Variants in RAB11FIP3 observed in about 807,000 individuals in gnomAD.
RAB11FIP3 encodes the protein RAB11 family interacting protein 3, also known as rab11 family-interacting protein 3.
Under a neutral mutation model 77.8 loss-of-function variants are expected in RAB11FIP3, and 17 were observed. The ratio of observed to expected loss-of-function variants is 0.22; its 90% CI spans 0.15 to 0.33. The LOEUF is 0.33. Among genes scored for constraint, RAB11FIP3 ranks in the 10% least tolerant of loss-of-function variants. The probability of loss-of-function intolerance (pLI) is 1.00; values close to 1 mark genes in which losing one functional copy is unlikely to be tolerated. For synonymous variants in RAB11FIP3, 437 were observed against 448.2 expected (o/e 0.98, Z 0.31); for missense variants, 1,005 against 1,011.2 (o/e 0.99, Z 0.08).
chr16:493,334 C>T (rs1317284267), intron 5 of RAB11FIP3, among the ~76,000 whole-genome samples: 1 of 151,740 alleles, frequency 6.6e-6, no homozygotes, highest in Non-Finnish European at 1.5e-5. Context: ...AACTGCCAGT[C>T]AGAACATCCT....
rs914971755 is a variant in RAB11FIP3, at chr16:471,196, C to T, written c.809-99C>T. 16 of 973,194 alleles carry T rather than the reference C, an allele frequency of 1.6e-5. No individual in the cohort carries two copies. Among genetic ancestry groups the T allele is most frequent in the Non-Finnish European group, 2.6e-5 (16 of 623,316 alleles). The allele number at this position is 973,194 out of a possible 1,614,324, so 60.3% of individuals were successfully genotyped here. On this transcript the variant is annotated intron_variant, in intron 2 of 13. Coordinates refer to ENST00000262305, the MANE Select transcript of RAB11FIP3 (RefSeq NM_014700.4). This position sits in a 1 kb window ranked among gnomAD's most constrained non-coding sequence, Gnocchi z 4.4. ...GGGCCCCCAACTCCCACACATCTGT[C>T]CCTGGGGGCCTCCTTCCCAGGGAGT...
In RAB11FIP3 at chr16:514,141, G is replaced by A. The variant is rs536819905; in HGVS notation, c.1640+3341G>A. On this transcript the variant is annotated intron_variant, in intron 9 of 13. Transcript: ENST00000262305. The surrounding 1 kb of genome is among the most constrained non-coding windows in gnomAD (Gnocchi z 4.6). The stretch of plus-strand genomic sequence containing the variant: ...CCGCCTGCCCACCCTAAGCGCTTGG[G>A]GTCAGTGCCACCGTGTTCTGGGCCT... 2.5e-4 allele frequency among the ~76,000 whole-genome samples: 38 copies of A among 152,256 alleles called. No individual in the cohort carries two copies. The East Asian group carries it at 6.7e-3, about 27-fold the overall frequency.
chr16:516,436 G>A (rs1196133075), intron 9 of RAB11FIP3, among the ~76,000 whole-genome samples: 1 of 152,210 alleles, frequency 6.6e-6, no homozygotes, highest in African/African-American at 2.4e-5. Context: ...AGACACTGAG[G>A]TTATCTCAGA....
At chr16:492,369 G>GAGACCCGAGGCCGCCCAGAGCCCTCCCC (rs2030411233) in intron 5 of RAB11FIP3, among the ~76,000 whole-genome samples, 1 of 145,024 alleles carries the variant, frequency 6.9e-6, no homozygotes, top group South Asian at 2.2e-4. Flanking sequence ...GTCTTCCCGG[G>GAGACCCGAGGCCGCCCAGAGCCCTCCCC]AGACCCGAGG....
intron 3 of RAB11FIP3, among the ~76,000 whole-genome samples, chr16:477,303 ATGT>A (rs930111832): frequency 7.9e-5 from 12 of 152,256 alleles, no homozygotes; most frequent in Admixed American, 5.9e-4. Context: ...ACTGAACCTG[ATGT>A]TGTAATAACC....
intron 1 of RAB11FIP3, among the ~76,000 whole-genome samples, chr16:458,982 C>T (rs1242499799): frequency 6.6e-6 from 1 of 152,182 alleles, no homozygotes; most frequent in African/African-American, 2.4e-5. Flanking sequence ...ATCTGTGCCT[C>T]ACCCCAGATT....
At chr16:500,775 G>C (rs544675061) in intron 6 of RAB11FIP3, among the ~76,000 whole-genome samples, 2 of 150,230 alleles carry the variant, frequency 1.3e-5, no homozygotes, top group Non-Finnish European at 2.9e-5. Context: ...TCTGCCTCAC[G>C]TTGGTGGCCA....
Position 505,218 on chromosome 16 carries a change from T to C in RAB11FIP3, c.1396-306T>C, listed in dbSNP as rs917913843. Among the ~76,000 whole-genome samples, 2 of 151,960 alleles carry C rather than the reference T, an allele frequency of 1.3e-5. No homozygotes were observed. The highest frequency in any genetic ancestry group is 4.8e-5 in the African/African-American group (2 of 41,388). ...GGCTGAGCAGAGACCCAACTGTGTG[T>C]TGGGGGGCTGAGTCTTGCTGCCCAC... On this transcript the variant is annotated intron_variant, in intron 7 of 13. Transcript: ENST00000262305. The surrounding 1 kb of genome is among the most constrained non-coding windows in gnomAD (Gnocchi z 4.0).
rs1382049368 is a variant in RAB11FIP3 at position 426,744 on chromosome 16, C to T, written c.714+24C>T. On this transcript the variant is annotated intron_variant, in intron 1 of 13. Transcript: ENST00000262305. The surrounding 1 kb of genome is among the most constrained non-coding windows in gnomAD (Gnocchi z 5.0). Reference sequence around the variant, plus strand: ...AGGTACGGAGCGGCCCGGGCCGGGGCGTGGGAACTGGGCAGGTGCGCGCTG... The same window carrying T: ...AGGTACGGAGCGGCCCGGGCCGGGGTGTGGGAACTGGGCAGGTGCGCGCTG... 6.8e-7 allele frequency: 1 copy of T among 1,460,352 alleles called. No homozygotes were observed. Among genetic ancestry groups the T allele is most frequent in the East Asian group, 2.6e-5 (1 of 38,516 alleles). The allele number at this position is 1,460,352 out of a possible 1,614,324, so 90.5% of individuals were successfully genotyped here. A position where few individuals can be genotyped will look rare whatever the true frequency, so the allele number is the denominator to read the frequency against.
At chr16:463,379 A>T (rs1274781649) in intron 2 of RAB11FIP3, among the ~76,000 whole-genome samples, 3 of 148,930 alleles carry the variant, frequency 2.0e-5, no homozygotes, top group Non-Finnish European at 4.4e-5. Flanking sequence ...GTTTTCTCAG[A>T]TGCCAAGTCT....
At chr16:456,410 A>G (rs906643108) in intron 1 of RAB11FIP3, among the ~76,000 whole-genome samples, 15 of 151,174 alleles carry the variant, frequency 9.9e-5, no homozygotes, top group African/African-American at 3.7e-4. Flanking sequence ...ACTGCACCCT[A>G]GCCTGAGTGA....
At chr16:491,045 T>C in intron 5 of RAB11FIP3, 5 of 1,155,518 alleles carry the variant, frequency 4.3e-6, no homozygotes, top group Non-Finnish European at 5.7e-6. Flanking sequence ...CACCATGTCC[T>C]GTCCTGTTCC....
At chr16:439,850 CT>C (rs879539160) in intron 1 of RAB11FIP3, among the ~76,000 whole-genome samples, 169 of 145,828 alleles carry the variant, frequency 1.2e-3, no homozygotes, top group Admixed American at 9.6e-4. Flanking sequence ...CAGTTGCATT[CT>C]TTTTTTTTTT....
intron 1 of RAB11FIP3, among the ~76,000 whole-genome samples, chr16:451,832 C>G (rs573474131): frequency 6.7e-6 from 1 of 150,340 alleles, no homozygotes; most frequent in Non-Finnish European, 1.5e-5. Context: ...AAGACTCTCT[C>G]TCAAAAACAA....
chr16:488,602 C>T (rs1336702389), intron 4 of RAB11FIP3, among the ~76,000 whole-genome samples: 4 of 151,964 alleles, frequency 2.6e-5, no homozygotes, highest in Admixed American at 6.6e-5. Flanking sequence ...GCAGTTGAGG[C>T]CTCCCCCTGT....
chr16:426,352 C>T lies in RAB11FIP3; in HGVS notation c.346C>T (p.Leu116Phe). The T allele has an allele frequency of 2.0e-6, 3 of 1,521,910 alleles. No individual in the cohort carries two copies. The highest frequency in any genetic ancestry group is 2.6e-6 in the Non-Finnish European group (3 of 1,136,084). 94.3% of individuals were successfully genotyped at this position (1,521,910 alleles called of 1,614,324 possible). A position where few individuals can be genotyped will look rare whatever the true frequency, so the allele number is the denominator to read the frequency against. ...CCCAGGGCCGCGCTCCGAAGCGCCGCTTCCAGAACTCGACCCGTTGTTCTC... is the reference window on the plus strand; with the variant it reads ...CCCAGGGCCGCGCTCCGAAGCGCCGTTTCCAGAACTCGACCCGTTGTTCTC... ...PGPGPRSEAPLPELDPLFSWT... is the reference protein window; with the variant it reads ...PGPGPRSEAPFPELDPLFSWT... Residue 116 changes from leucine (L) to phenylalanine (F), a missense_variant, in exon 1 of 14, where the codon CTT becomes TTT. Coordinates refer to ENST00000262305, the MANE Select transcript of RAB11FIP3 (RefSeq NM_014700.4). This position sits in a 1 kb window ranked among gnomAD's most constrained non-coding sequence, Gnocchi z 5.0.
chr16:493,356 T>A (rs2030773746), intron 5 of RAB11FIP3, among the ~76,000 whole-genome samples: 1 of 151,612 alleles, frequency 6.6e-6, no homozygotes, highest in South Asian at 2.1e-4. Flanking sequence ...CCCATAACCC[T>A]TAGTGGAGGA....
At chr16:449,712 G>A (rs2055376373) in intron 1 of RAB11FIP3, among the ~76,000 whole-genome samples, 1 of 151,814 alleles carries the variant, frequency 6.6e-6, no homozygotes, top group South Asian at 2.1e-4. Context: ...AGCACTTTGG[G>A]AGGCTGAGTT....
Position 471,603 on chromosome 16 carries a change from C to T in RAB11FIP3, c.903+214C>T, listed in dbSNP as rs2055810137. ...CGCCCTGTCAGCCTGGGCAGGAATC[C>T]TCCCCCAGGGCCTGTCGCCAGCAGA... On this transcript the variant is annotated intron_variant, in intron 3 of 13. Coordinates refer to ENST00000262305, the MANE Select transcript of RAB11FIP3 (RefSeq NM_014700.4). The surrounding 1 kb of genome is among the most constrained non-coding windows in gnomAD (Gnocchi z 4.4). Among the ~76,000 whole-genome samples, 1 of 152,218 alleles carries T rather than the reference C, an allele frequency of 6.6e-6. No homozygotes were observed. The highest frequency in any genetic ancestry group is 2.4e-5 in the African/African-American group (1 of 41,466).
Sources: allele counts gnomAD v4.1 joint callset (sites outside exome capture counted in the v4.1 genomes callset), GRCh38; gene constraint gnomAD v4.1.1; non-coding constraint Gnocchi (gnomAD v3.1); transcripts MANE v1.5; gene names NCBI Gene and HGNC (gene_info 2026-07-23, HGNC 2026-07-21).